The following MROH2A variants were observed in gnomAD, a reference collection of about 807,000 sequenced individuals.
MROH2A encodes the protein maestro heat-like repeat-containing protein family member 2A.
Under a neutral mutation model 200.4 loss-of-function variants are expected in MROH2A, and 174 were observed. The ratio of observed to expected loss-of-function variants is 0.87; its 90% CI spans 0.77 to 0.98. MROH2A has a LOEUF of 0.98. MROH2A is among the 50% of genes least tolerant of loss of function. The pLI, the probability that MROH2A is intolerant of heterozygous loss-of-function variation, is 0.00. For synonymous variants in MROH2A, 829 were observed against 840.4 expected (o/e 0.99, Z 0.23); for missense variants, 2,045 against 2,139.6 (o/e 0.96, Z 0.87).
Position 233,793,808 on chromosome 2 carries a change from G to T in MROH2A, c.806G>T (p.Arg269Met), listed in dbSNP as rs1354588699. Residue 269 changes from arginine to methionine, a missense_variant, in exon 7 of 42, where the codon AGG becomes ATG. Physicochemically the swap from Arg to Met is moderately conservative, Grantham distance 91 (BLOSUM62 -1). Around this residue, in one of 3 missense-constraint regions of MROH2A, gnomAD observed 831 missense variants for 800.0 expected, o/e 1.04. Coordinates refer to ENST00000389758, the MANE Select transcript of MROH2A (RefSeq NM_001394639.1). Reference protein sequence around the residue: ...MYRYFVTVWLRHYNPEVKLGV... With the variant: ...MYRYFVTVWLMHYNPEVKLGV... ...CGCTACTTCGTGACAGTGTGGCTGAGGCACTACAACCCCGAGGTGAGATGC... is the reference window on the plus strand; with the variant it reads ...CGCTACTTCGTGACAGTGTGGCTGATGCACTACAACCCCGAGGTGAGATGC... The T allele has an allele frequency of 6.9e-7, 1 of 1,454,170 alleles. No homozygotes were observed. The highest frequency in any genetic ancestry group is 9.1e-7 in the Non-Finnish European group (1 of 1,100,282). 90.1% of individuals were successfully genotyped at this position (1,454,170 alleles called of 1,614,324 possible).
At chr2:233,809,050 G>A in intron 21 of MROH2A, 76 bp from the exon 22 acceptor site, 2 of 1,470,384 alleles carry the variant, frequency 1.4e-6, no homozygotes, top group Non-Finnish European at 9.2e-7. Context: ...CTTTGGTTGT[G>A]TGGCCAGAGA....
chr2:233,776,229 C>T (rs1194548354), upstream of MROH2A, among the ~76,000 whole-genome samples: 1 of 152,096 alleles, frequency 6.6e-6, no homozygotes, highest in Non-Finnish European at 1.5e-5. Flanking sequence ...TTTCTTATTT[C>T]CTGGGTAGTT....
In MROH2A at chr2:233,828,792, G is replaced by T. The variant is rs1704506565; in HGVS notation, c.4263+13G>T. 1 of 1,549,652 alleles carries T rather than the reference G, an allele frequency of 6.5e-7. No individual in the cohort carries two copies. Among genetic ancestry groups the T allele is most frequent in the South Asian group, 1.2e-5 (1 of 84,008 alleles). ...CGCCCCCAAGAAGGTACTGTGCCTG[G>T]CCCTGGGCCCAGGTCCCGGGAGCTG... On this transcript the variant is annotated intron_variant, in intron 36 of 41. Coordinates refer to ENST00000389758, the MANE Select transcript of MROH2A (RefSeq NM_001394639.1). This position sits in a 1 kb window ranked among gnomAD's most constrained non-coding sequence, Gnocchi z 4.6.
Position 233,816,899 on chromosome 2 carries a change from T to C in MROH2A, c.2961+14T>C. On this transcript the variant is annotated intron_variant, in intron 27 of 41. Transcript: ENST00000389758. ...ACTGCTGTCTGTGTGAGTCCAGGAG[T>C]CCCCAGCCCCCAGCCTGCTGCTCTG... The C allele has an allele frequency of 3.4e-6, 5 of 1,468,186 alleles. No individual in the cohort carries two copies. The highest frequency in any genetic ancestry group is 4.7e-6 in the Non-Finnish European group (5 of 1,073,688). The allele number at this position is 1,468,186 out of a possible 1,614,324, so 90.9% of individuals were successfully genotyped here.
chr2:233,814,761 G>C lies in MROH2A; in HGVS notation c.2856+84G>C, dbSNP rs532616212. ...CTGAGGGCCAGACTCTGGGGAACAG[G>C]GGAGTGCATGCAACATTGTTTTAGT... On this transcript the variant is annotated intron_variant, in intron 26 of 41. Coordinates refer to ENST00000389758, the MANE Select transcript of MROH2A (RefSeq NM_001394639.1). 4 of 842,568 alleles carry C rather than the reference G, an allele frequency of 4.7e-6. No individual in the cohort carries two copies. In the East Asian group the frequency reaches 1.1e-4, roughly 23 times the overall value. 52.2% of individuals were successfully genotyped at this position (842,568 alleles called of 1,614,324 possible).
At chr2:233,793,588 T>C in intron 6 of MROH2A, 85 bp from the exon 7 acceptor site, 1 of 1,279,592 alleles carries the variant, frequency 7.8e-7, no homozygotes, top group Middle Eastern at 2.0e-4. Context: ...CATGAGCACT[T>C]CCACTCGGGA....
chr2:233,779,809 C>CTGTA lies in MROH2A; in HGVS notation c.234_237dup (p.Val80CysfsTer98). The stretch of plus-strand genomic sequence containing the variant: ...ATGGAGAAGGCCACCACTGAGCCTT[C>CTGTA]TGTAGTGATAAACACTCTCATCCGC... On this transcript the variant is annotated frameshift_variant, in exon 3 of 42. Transcript: ENST00000389758. LOFTEE classifies it high-confidence loss of function. The CTGTA allele has an allele frequency of 6.4e-7, 1 of 1,550,694 alleles. No individual in the cohort carries two copies. Among genetic ancestry groups the CTGTA allele is most frequent in the South Asian group, 1.2e-5 (1 of 84,064 alleles).
chr2:233,832,814 G>A (rs939789664), intron 41 of MROH2A, among the ~76,000 whole-genome samples, 170 bp downstream of exon 41: 1 of 152,144 alleles, frequency 6.6e-6, no homozygotes, highest in East Asian at 1.9e-4. Flanking sequence ...TTTCCAGGAC[G>A]ACAGCTATTG....
At chr2:233,788,101 A>G in intron 3 of MROH2A, among the ~76,000 whole-genome samples, 1 of 106,072 alleles carries the variant, frequency 9.4e-6, no homozygotes, top group African/African-American at 3.8e-5. Flanking sequence ...CATATATTAT[A>G]TATACATATA....
chr2:233,825,307 C>T (rs1278023408), intron 35 of MROH2A, among the ~76,000 whole-genome samples: 1 of 152,184 alleles, frequency 6.6e-6, no homozygotes, highest in Non-Finnish European at 1.5e-5. Context: ...TTTGAATACG[C>T]TTTATTTCTT....
chr2:233,796,672 T>C (rs895874992), intron 11 of MROH2A, among the ~76,000 whole-genome samples: 1 of 152,168 alleles, frequency 6.6e-6, no homozygotes, highest in African/African-American at 2.4e-5. Flanking sequence ...TTCCAATTCC[T>C]AAGCCCAAAC....
Position 233,794,467 on chromosome 2 carries a change from G to A in MROH2A, c.927G>A (p.Ala309=), listed in dbSNP as rs780041926. ...ACGACTACATCCCCCTGCTGCTGGC[G>A]GAGTACCAGGGCAGTCTGGAGGTGC... ...QVYDYIPLLL[A]EYQGSLEVLF... The change falls in exon 8 of 42, where the codon GCG becomes GCA. Residue 309 remains alanine (A), a synonymous_variant. Transcript: ENST00000389758. The A allele has an allele frequency of 4.7e-5, 73 of 1,549,822 alleles. 1 individual carries two copies. The highest frequency in any genetic ancestry group is 2.0e-4 in the Admixed American group (10 of 51,002).
At chr2:233,779,503 C>T (rs765970868) in intron 2 of MROH2A, 51 bp downstream of exon 2, 39 of 1,441,528 alleles carry the variant, frequency 2.7e-5, no homozygotes, top group Non-Finnish European at 3.4e-5. Flanking sequence ...CAGACACTAA[C>T]TCTTTGACTG....
chr2:233,785,222 A>G (rs1393589235), intron 3 of MROH2A, among the ~76,000 whole-genome samples: 2 of 152,136 alleles, frequency 1.3e-5, no homozygotes, highest in East Asian at 3.9e-4. Context: ...TGCTCTTGAA[A>G]GGACAGTTTA....
chr2:233,779,865 T>G lies in MROH2A; in HGVS notation c.276+13T>G. On this transcript the variant is annotated intron_variant, in intron 3 of 41. Coordinates refer to ENST00000389758, the MANE Select transcript of MROH2A (RefSeq NM_001394639.1). ...GCAGGTGCCAGAGGTAGGGCCATCTTACCCACTGGGCTCAGCCACCTTTAG... is the reference window on the plus strand; with the variant it reads ...GCAGGTGCCAGAGGTAGGGCCATCTGACCCACTGGGCTCAGCCACCTTTAG... 1 of 1,547,026 alleles carries G rather than the reference T, an allele frequency of 6.5e-7. No individual in the cohort carries two copies. The highest frequency in any genetic ancestry group is 8.7e-7 in the Non-Finnish European group (1 of 1,145,434).
chr2:233,824,725 A>G (rs1704187789), intron 35 of MROH2A, among the ~76,000 whole-genome samples: 1 of 152,244 alleles, frequency 6.6e-6, no homozygotes, highest in African/African-American at 2.4e-5. Flanking sequence ...GCTAAATGAG[A>G]TAGACCGTGT....
Position 233,833,327 on chromosome 2 carries a change from TAAG to T in MROH2A, c.*72_*74del, listed in dbSNP as rs1212637690. ...TGCAAGCCCTTTTTAATTTAGTTTG[TAAG>T]AAGTTTAGTTTGTAGGAAAAACACT... On this transcript the variant is annotated 3_prime_UTR_variant, in exon 42 of 42. Coordinates refer to ENST00000389758, the MANE Select transcript of MROH2A (RefSeq NM_001394639.1). The T allele has an allele frequency of 4.9e-6, 7 of 1,426,962 alleles. No homozygotes were observed. The highest frequency in any genetic ancestry group is 2.6e-5 in the East Asian group (1 of 38,246). 88.4% of individuals were successfully genotyped at this position (1,426,962 alleles called of 1,614,324 possible). A position where few individuals can be genotyped will look rare whatever the true frequency, so the allele number is the denominator to read the frequency against.
At chr2:233,817,926 T>C in intron 27 of MROH2A, 76 bp from the exon 28 acceptor site, 1 of 1,530,068 alleles carries the variant, frequency 6.5e-7, no homozygotes, top group Non-Finnish European at 8.8e-7. Flanking sequence ...CAAGTTGTCC[T>C]TTACACTGCC....
At chr2:233,822,759 T>C in intron 33 of MROH2A, 122 bp from the exon 34 acceptor site, 1 of 1,306,392 alleles carries the variant, frequency 7.7e-7, no homozygotes, top group Non-Finnish European at 1.1e-6. Context: ...CCTGGACCTT[T>C]CCCTCAGTCC....
Sources: allele counts gnomAD v4.1 joint callset (sites outside exome capture counted in the v4.1 genomes callset), GRCh38; gene constraint gnomAD v4.1.1; regional missense constraint gnomAD v4.1.1; non-coding constraint Gnocchi (gnomAD v3.1); transcripts MANE v1.5; gene names NCBI Gene and HGNC (gene_info 2026-07-23, HGNC 2026-07-21).